Variants in MECOM observed in about 807,000 individuals in gnomAD.
MECOM encodes histone-lysine N-methyltransferase MECOM.
Under a neutral mutation model 116.3 loss-of-function variants are expected in MECOM, and 13 were observed. The observed-to-expected ratio is 0.11, with a 90% CI of 0.07 to 0.18. MECOM has a LOEUF of 0.18. Among genes scored for constraint, MECOM ranks in the 10% least tolerant of loss-of-function variants. MECOM has a pLI of 1.00. For synonymous variants in MECOM, 528 were observed against 535.2 expected, an observed-to-expected ratio of 0.99 and a Z score of 0.19; for missense variants, 1,299 against 1,509.0, an observed-to-expected ratio of 0.86 and a Z score of 2.31.
At chr3:169,489,935 C>G (rs1752878726) in intron 1 of MECOM, among the ~76,000 whole-genome samples, 1 of 152,108 alleles carries the variant, frequency 6.6e-6, no homozygotes, top group African/African-American at 2.4e-5. Context: ...GCAAAGTTCG[C>G]CATTAACAAA....
intron 1 of MECOM, among the ~76,000 whole-genome samples, chr3:169,399,512 AC>A (rs1207834597): frequency 6.6e-6 from 1 of 152,232 alleles, no homozygotes; most frequent in African/African-American, 2.4e-5. Flanking sequence ...TTAGATAATT[AC>A]CCCTTGGTCC....
At chr3:169,176,901 CA>C (rs1745244523) in intron 2 of MECOM, among the ~76,000 whole-genome samples, 1 of 152,088 alleles carries the variant, frequency 6.6e-6, no homozygotes, top group Non-Finnish European at 1.5e-5. Context: ...AAATGCAAAT[CA>C]AAATCACAAT....
At chr3:169,222,199 T>C (rs551429066) in intron 2 of MECOM, among the ~76,000 whole-genome samples, 1 of 152,214 alleles carries the variant, frequency 6.6e-6, no homozygotes, top group Non-Finnish European at 1.5e-5. Context: ...TTATAAGTGG[T>C]AAATTATTTT....
chr3:169,100,805 T>G (rs1479833924), intron 12 of MECOM, 80 bp downstream of exon 12: 19 of 807,918 alleles, frequency 2.4e-5, no homozygotes, highest in Non-Finnish European at 3.1e-5. Flanking sequence ...ATTATAAACT[T>G]TAATTATTAT....
At chr3:169,295,213 A>T (rs750855240) in intron 2 of MECOM, among the ~76,000 whole-genome samples, 7 of 152,236 alleles carry the variant, frequency 4.6e-5, no homozygotes, top group Non-Finnish European at 1.0e-4. Flanking sequence ...TCTATTTTAT[A>T]TATTGGGTTT....
chr3:169,485,191 C>T (rs1045605493), intron 1 of MECOM, among the ~76,000 whole-genome samples: 5 of 152,122 alleles, frequency 3.3e-5, no homozygotes, highest in Admixed American at 1.3e-4. Flanking sequence ...GACGGGGTTT[C>T]GCTATGTTGG....
intron 8 of MECOM, 95 bp downstream of exon 8, chr3:169,115,288 A>C (rs778575155): frequency 7.6e-5 from 95 of 1,255,832 alleles, no homozygotes; most frequent in Non-Finnish European, 9.6e-5. Flanking sequence ...TTATAATAAT[A>C]GTAAAAATGA....
At chr3:169,354,808 C>A (rs1465841802) in intron 2 of MECOM, among the ~76,000 whole-genome samples, 1 of 151,806 alleles carries the variant, frequency 6.6e-6, no homozygotes, top group Non-Finnish European at 1.5e-5. Context: ...TGAGCTGGGG[C>A]TTCAGCTTTA....
chr3:169,113,791 G>T (rs531949293), intron 8 of MECOM, among the ~76,000 whole-genome samples: 1 of 152,104 alleles, frequency 6.6e-6, no homozygotes, highest in South Asian at 2.1e-4. Context: ...TATGTGTGTT[G>T]CATATACTAT....
In MECOM at chr3:169,122,647, G is replaced by C; in HGVS notation, c.911C>G (p.Ser304Cys). 6.2e-7 allele frequency: 1 copy of C among 1,614,044 alleles called. No homozygotes were observed. The highest frequency in any genetic ancestry group is 1.1e-5 in the South Asian group (1 of 91,076). ...TGACATCTGGTGGCGAATTAAATTG[G>C]ACTTCCAGTTAAATGCCTTGGGACA... ...DQCPKAFNWK[S>C]NLIRHQMSHD... Residue 304 changes from serine to cysteine, a missense_variant, in exon 6 of 17, where the codon TCC becomes TGC. Physicochemically the swap from Ser to Cys is moderately radical, Grantham distance 112. Transcript: ENST00000651503.
intron 2 of MECOM, among the ~76,000 whole-genome samples, chr3:169,234,759 T>C (rs757091546): frequency 2.6e-5 from 4 of 152,214 alleles, no homozygotes; most frequent in African/African-American, 7.2e-5. Flanking sequence ...TACATACTTA[T>C]GCTTTCTTTG....
rs78890248 is a variant in MECOM at position 169,320,444 on chromosome 3, G to A, written c.375+60743C>T. Among the ~76,000 whole-genome samples the A allele has an allele frequency of 1.6e-3, 239 of 152,288 alleles. 5 individuals carry two copies. The East Asian group carries it at 0.044, about 28-fold the overall frequency. On this transcript the variant is annotated intron_variant, in intron 2 of 16. Coordinates refer to ENST00000651503, the MANE Select transcript of MECOM (RefSeq NM_004991.4). The stretch of plus-strand genomic sequence containing the variant: ...TCCCTGAGGAGGAAGGATAAAGAGG[G>A]ATCTGAGTAGAGGTATAGTTGGTCA...
chr3:169,473,488 C>T (rs569552514), intron 1 of MECOM, among the ~76,000 whole-genome samples: 19 of 152,058 alleles, frequency 1.2e-4, no homozygotes, highest in Admixed American at 2.6e-4. Context: ...ACACCAGATA[C>T]GGCAGGGCGT....
At chr3:169,531,120 C>G (rs1576742568) in intron 1 of MECOM, among the ~76,000 whole-genome samples, 2 of 152,140 alleles carry the variant, frequency 1.3e-5, no homozygotes, top group East Asian at 3.8e-4. Context: ...GTCTGACATA[C>G]CTTCCCACCA....
intron 1 of MECOM, among the ~76,000 whole-genome samples, chr3:169,583,529 C>T (rs1418334910): frequency 1.3e-5 from 2 of 152,136 alleles, no homozygotes; most frequent in East Asian, 1.9e-4. Context: ...CAAATCTCCA[C>T]TTAAATGCTT....
Position 169,625,012 on chromosome 3 carries a change from A to G in MECOM, c.37+38324T>C, listed in dbSNP as rs576544309. Among the ~76,000 whole-genome samples the G allele has an allele frequency of 6.7e-4, 101 of 149,852 alleles. No homozygotes were observed. In the Middle Eastern group the frequency reaches 0.024, roughly 36 times the overall value. ...CCAACCCTTCTGAGTTTCTGAGCTC[A>G]GGACAAGGAGATTTGTCCTTGGAAA... On this transcript the variant is annotated intron_variant, in intron 1 of 16. Transcript: ENST00000651503.
At chr3:169,145,719 C>A in intron 2 of MECOM, 1 of 221,156 alleles carries the variant, frequency 4.5e-6, no homozygotes, top group Non-Finnish European at 9.0e-6. Flanking sequence ...TCAAGCATAC[C>A]CTTTCACAGG....
rs1415631608 is a variant in MECOM at position 169,180,793 on chromosome 3, T to TTATATATATATA, written c.376-36962_376-36961insTATATATATATA. On this transcript the variant is annotated intron_variant, in intron 2 of 16. Transcript: ENST00000651503. ...TTATGTATGTGTGTGTGTGTGGAGA[T>TTATATATATATA]GATATATATATATATATATATCAGG... Among the ~76,000 whole-genome samples, 104 of 71,176 alleles carry TTATATATATATA rather than the reference T, an allele frequency of 1.5e-3. 5 individuals are homozygous for TTATATATATATA. Among genetic ancestry groups the TTATATATATATA allele is most frequent in the Admixed American group, 8.7e-3 (57 of 6,588 alleles). The allele number at this position is 71,176 out of a possible 152,430, so 46.7% of individuals were successfully genotyped here. A position where few individuals can be genotyped will look rare whatever the true frequency, so the allele number is the denominator to read the frequency against.
chr3:169,090,004 C>A lies in MECOM; in HGVS notation c.3397G>T (p.Val1133Leu), dbSNP rs749026364. Residue 1133 changes from valine to leucine, a missense_variant, in exon 15 of 17, where the codon GTG becomes TTG. Physicochemically the swap from Val to Leu is conservative, Grantham distance 32. This residue lies in a region of MECOM where 273 missense variants were observed against 289.3 expected (regional missense o/e 0.94). Transcript: ENST00000651503. ...AAAGTCACCCAAGGTACTCACCTCA[C>A]TGGGGATGTCTTGCAACTCATCTCC... The part of the protein sequence containing the change: ...ALEMSCKTSP[V>L]RYKEEEYKSG... 40 of 1,612,890 alleles carry A rather than the reference C, an allele frequency of 2.5e-5. No individual in the cohort carries two copies. Among genetic ancestry groups the A allele is most frequent in the Non-Finnish European group, 3.3e-5 (39 of 1,179,338 alleles).
Sources: allele counts gnomAD v4.1 joint callset (sites outside exome capture counted in the v4.1 genomes callset), GRCh38; gene constraint gnomAD v4.1.1; regional missense constraint gnomAD v4.1.1; transcripts MANE v1.5; gene names NCBI Gene and HGNC (gene_info 2026-07-23, HGNC 2026-07-21).